The following NRG3 variants were observed in gnomAD, a reference collection of about 807,000 sequenced individuals.
NRG3 encodes the protein pro-neuregulin-3, membrane-bound isoform.
A neutral mutation model predicts 66.9 loss-of-function variants in NRG3; 31 were observed. That is an observed-to-expected ratio of 0.46 (90% CI 0.35 to 0.63). The LOEUF is 0.63. NRG3 is among the 20% of genes least tolerant of loss of function. The pLI, the probability that NRG3 is intolerant of heterozygous loss-of-function variation, is 0.00. For missense variants in NRG3, 910 were observed against 878.9 expected (o/e 1.04, Z -0.45); for synonymous variants, 393 against 359.4 (o/e 1.09, Z -1.06).
intron 2 of NRG3, among the ~76,000 whole-genome samples, chr10:82,554,241 G>A (rs188599478): frequency 2.0e-5 from 3 of 152,080 alleles, no homozygotes; most frequent in Non-Finnish European, 2.9e-5. Flanking sequence ...ATCACGGACA[G>A]TATTGTATTT....
intron 8 of NRG3, among the ~76,000 whole-genome samples, chr10:82,980,764 C>G (rs1852786926): frequency 6.6e-6 from 1 of 152,112 alleles, no homozygotes; most frequent in Admixed American, 6.5e-5. Context: ...GTGACAGTTG[C>G]AAAGTAAACA....
At chr10:82,661,292 C>G (rs762026122) in intron 2 of NRG3, among the ~76,000 whole-genome samples, 3 of 152,022 alleles carry the variant, frequency 2.0e-5, no homozygotes, top group Non-Finnish European at 2.9e-5. Context: ...ACAGCCTTCT[C>G]CCCAGTCCCT....
At chr10:82,907,617 C>A (rs928931892) in intron 4 of NRG3, among the ~76,000 whole-genome samples, 9 of 152,110 alleles carry the variant, frequency 5.9e-5, no homozygotes. Context: ...GCCTATGGAA[C>A]CTTCGTAGTT....
At chr10:82,453,620 C>G (rs1018357194) in intron 2 of NRG3, among the ~76,000 whole-genome samples, 1 of 150,526 alleles carries the variant, frequency 6.6e-6, no homozygotes, top group African/African-American at 2.4e-5. Context: ...CACCTGGTGT[C>G]TATACTATGA....
intron 2 of NRG3, among the ~76,000 whole-genome samples, chr10:82,433,020 A>G (rs993294961): frequency 2.6e-5 from 4 of 152,158 alleles, no homozygotes; most frequent in Admixed American, 2.0e-4. Context: ...CTGGTTCTAG[A>G]TCGTTGAGGA....
chr10:82,213,758 A>G (rs1222460258), intron 1 of NRG3, among the ~76,000 whole-genome samples: 2 of 152,228 alleles, frequency 1.3e-5, no homozygotes, highest in African/African-American at 4.8e-5. Flanking sequence ...AAAATAATAC[A>G]TTACCTTACT....
intron 3 of NRG3, among the ~76,000 whole-genome samples, chr10:82,811,142 G>A (rs111581292): frequency 3.9e-5 from 6 of 151,960 alleles, no homozygotes; most frequent in African/African-American, 1.5e-4. Context: ...ACATACAAAC[G>A]CCTGGCAATG....
intron 2 of NRG3, among the ~76,000 whole-genome samples, chr10:82,413,079 A>C (rs2088232901): frequency 6.6e-6 from 1 of 152,124 alleles, no homozygotes; most frequent in Non-Finnish European, 1.5e-5. Context: ...TTTTGACTAT[A>C]GATCCTTAAT....
chr10:82,629,950 C>T lies in NRG3; in HGVS notation c.954-108627C>T, dbSNP rs528465006. 2.0e-5 allele frequency among the ~76,000 whole-genome samples: 3 copies of T among 152,178 alleles called. No homozygotes were observed. The South Asian group carries it at 6.2e-4, about 32-fold the overall frequency. On this transcript the variant is annotated intron_variant, in intron 2 of 8. Coordinates refer to ENST00000372141, the MANE Select transcript of NRG3 (RefSeq NM_001010848.4). ...GAGAAAGGGAGTGAAAAGCAGATGT[C>T]CCAATGAAGATGTGATTTTGTATCA...
At position 82,187,342 on chromosome 10, in the gene NRG3, C is replaced by T. The variant is rs560080139; in HGVS notation, c.824-171397C>T. Among the ~76,000 whole-genome samples, 3 of 152,238 alleles carry T rather than the reference C, an allele frequency of 2.0e-5. No individual in the cohort carries two copies. The South Asian group carries it at 6.2e-4, about 32-fold the overall frequency. ...ATTCGCTTCTTATATGCCATTAAGG[C>T]ATCGTTGCCTCTGGATATTTATGTT... On this transcript the variant is annotated intron_variant, in intron 1 of 8. Coordinates refer to ENST00000372141, the MANE Select transcript of NRG3 (RefSeq NM_001010848.4).
intron 3 of NRG3, among the ~76,000 whole-genome samples, chr10:82,771,545 T>G (rs1434259118): frequency 6.6e-6 from 1 of 152,158 alleles, no homozygotes; most frequent in Non-Finnish European, 1.5e-5. Context: ...CAATCTGTTC[T>G]TATTCCATGT....
intron 1 of NRG3, among the ~76,000 whole-genome samples, chr10:82,186,378 C>T (rs1397865214): frequency 6.6e-6 from 1 of 152,090 alleles, no homozygotes; most frequent in Non-Finnish European, 1.5e-5. Flanking sequence ...TAGGAAAGCC[C>T]CTTCCCATGG....
intron 1 of NRG3, among the ~76,000 whole-genome samples, chr10:82,342,644 G>A (rs1314323668): frequency 6.6e-6 from 1 of 151,994 alleles, no homozygotes; most frequent in Non-Finnish European, 1.5e-5. Context: ...AGCTGTTTGA[G>A]TTCCTTGTAG....
At chr10:82,378,299 G>C (rs2085389309) in intron 2 of NRG3, among the ~76,000 whole-genome samples, 1 of 152,200 alleles carries the variant, frequency 6.6e-6, no homozygotes, top group Non-Finnish European at 1.5e-5. Flanking sequence ...GACAGGAACT[G>C]TTGTGAACTT....
intron 1 of NRG3, among the ~76,000 whole-genome samples, chr10:82,106,948 G>A (rs890238474): frequency 1.1e-4 from 16 of 152,174 alleles, no homozygotes; most frequent in Admixed American, 6.5e-5. Context: ...GTCCCATTTG[G>A]TGTAGCAATT....
rs774304623 is a variant in NRG3 at position 82,478,407 on chromosome 10, G to A, written c.953+119539G>A. 4.2e-5 allele frequency among the ~76,000 whole-genome samples: 2 copies of A among 48,170 alleles called. 1 individual carries two copies. Among genetic ancestry groups the A allele is most frequent in the Non-Finnish European group, 1.2e-4 (2 of 17,310 alleles). The allele number at this position is 48,170 out of a possible 152,430, so 31.6% of individuals were successfully genotyped here. On this transcript the variant is annotated intron_variant, in intron 2 of 8. Transcript: ENST00000372141. Reference sequence around the variant, plus strand: ...TAGGCAGAGGACCCTGCGGCCTTCCGCAGTGTTTGTGTCCCTGATTACTTG... The same window carrying A: ...TAGGCAGAGGACCCTGCGGCCTTCCACAGTGTTTGTGTCCCTGATTACTTG...
chr10:82,865,431 TTC>T lies in NRG3; in HGVS notation c.1049_1050del (p.Phe350TyrfsTer4). 1 of 1,613,050 alleles carries T rather than the reference TTC, an allele frequency of 6.2e-7. No individual in the cohort carries two copies. Among genetic ancestry groups the T allele is most frequent in the African/African-American group, 1.3e-5 (1 of 75,022 alleles). ...TGTAGCAGACCACTTGGGGATTGAATTCATGGGTAAGACTAAACAATTTGCTC... is the reference window on the plus strand; with the variant it reads ...TGTAGCAGACCACTTGGGGATTGAATATGGGTAAGACTAAACAATTTGCTC... ...SDPTDHLGIEFMESEEVYQRQ... is the reference protein window; with the variant it reads ...SDPTDHLGIEXMESEEVYQRQ... On this transcript the variant is annotated frameshift_variant, in exon 4 of 9. Coordinates refer to ENST00000372141, the MANE Select transcript of NRG3 (RefSeq NM_001010848.4). LOFTEE classifies it high-confidence loss of function.
chr10:82,024,304 G>A (rs1296507153), intron 1 of NRG3, among the ~76,000 whole-genome samples: 3 of 147,730 alleles, frequency 2.0e-5, no homozygotes, highest in Admixed American at 1.3e-4. Flanking sequence ...AGTTGTATTT[G>A]TTGATCTTTT....
chr10:82,724,075 A>T lies in NRG3; in HGVS notation c.954-14502A>T, dbSNP rs11195734. Among the ~76,000 whole-genome samples, 142 of 125,982 alleles carry T rather than the reference A, an allele frequency of 1.1e-3. No individual in the cohort carries two copies. In the East Asian group the frequency reaches 0.021, roughly 18 times the overall value. 82.6% of individuals were successfully genotyped at this position (125,982 alleles called of 152,430 possible). A position where few individuals can be genotyped will look rare whatever the true frequency, so the allele number is the denominator to read the frequency against. On this transcript the variant is annotated intron_variant, in intron 2 of 8. Coordinates refer to ENST00000372141, the MANE Select transcript of NRG3 (RefSeq NM_001010848.4). ...ATAGCTTAGCTTCAGAAAAAAAAAG[A>T]AAAAAAAACAAGAAACAGGAATTTT...
Sources: allele counts gnomAD v4.1 joint callset (sites outside exome capture counted in the v4.1 genomes callset), GRCh38; gene constraint gnomAD v4.1.1; transcripts MANE v1.5; gene names NCBI Gene and HGNC (gene_info 2026-07-23, HGNC 2026-07-21).